The following FUT8 variants were observed in gnomAD, a reference collection of about 807,000 sequenced individuals.
FUT8 encodes alpha-(1,6)-fucosyltransferase.
Under a neutral mutation model 71.3 loss-of-function variants are expected in FUT8, and 29 were observed. The observed-to-expected ratio is 0.41, with a 90% confidence interval of 0.30 to 0.55. The LOEUF (loss-of-function observed/expected upper bound fraction) is 0.55. Ranked by LOEUF, FUT8 falls within the 20% of genes least tolerant of loss-of-function variation. The pLI, the probability that FUT8 is intolerant of heterozygous loss-of-function variation, is 0.34. For synonymous variants in FUT8, 254 were observed against 239.3 expected (o/e 1.06, Z -0.57); for missense variants, 544 against 702.1 (o/e 0.77, Z 2.55).
In FUT8 at chr14:65,683,372, G is replaced by T. The variant is rs1192261185; in HGVS notation, c.835+13892G>T. ...TTATAATGCATTTGCATTAATTTGG[G>T]AGAAAAAATGAAACCATGCTTTTGA... On this transcript the variant is annotated intron_variant, in intron 7 of 10. Coordinates refer to ENST00000673929, the MANE Select transcript of FUT8 (RefSeq NM_001371533.1). 2.0e-5 allele frequency among the ~76,000 whole-genome samples: 3 copies of T among 152,076 alleles called. No individual in the cohort carries two copies. The East Asian group carries it at 5.8e-4, about 29-fold the overall frequency.
chr14:65,505,563 T>C (rs762448345), intron 2 of FUT8, among the ~76,000 whole-genome samples: 4 of 151,964 alleles, frequency 2.6e-5, no homozygotes, highest in East Asian at 1.9e-4. Flanking sequence ...CTGCCCGCCT[T>C]AGCCTCCCAA....
chr14:65,633,672 A>G (rs1405285956), intron 6 of FUT8, among the ~76,000 whole-genome samples: 1 of 147,958 alleles, frequency 6.8e-6, no homozygotes, highest in African/African-American at 2.5e-5. Flanking sequence ...CCCGGCCACG[A>G]CCCCGTCTGG....
At chr14:65,614,396 A>G (rs1238729796) in intron 3 of FUT8, among the ~76,000 whole-genome samples, 2 of 152,252 alleles carry the variant, frequency 1.3e-5, no homozygotes, top group Non-Finnish European at 2.9e-5. Flanking sequence ...AAAAGGATCA[A>G]TATATGTACG....
At chr14:65,615,399 A>G (rs181607201) in intron 3 of FUT8, among the ~76,000 whole-genome samples, 5 of 152,158 alleles carry the variant, frequency 3.3e-5, no homozygotes, top group Admixed American at 1.3e-4. Context: ...GAGTGGCTAC[A>G]CCTGGCCCAA....
rs530251984 is a variant in FUT8, at chr14:65,743,085, A to G, written c.*675A>G. 6.6e-6 allele frequency: 1 copy of G among 152,394 alleles called. No individual in the cohort carries two copies. The highest frequency in any genetic ancestry group is 2.1e-4 in the South Asian group (1 of 4,828). The allele number at this position is 152,394 out of a possible 1,614,324, so 9.4% of individuals were successfully genotyped here. Reference sequence around the variant, plus strand: ...AAACAATGCCATGAACAAATTCTTTAGTACTCAATGTTTCTGGACATTCTC... The same window carrying G: ...AAACAATGCCATGAACAAATTCTTTGGTACTCAATGTTTCTGGACATTCTC... On this transcript the variant is annotated 3_prime_UTR_variant, in exon 11 of 11. Coordinates refer to ENST00000673929, the MANE Select transcript of FUT8 (RefSeq NM_001371533.1).
chr14:65,711,967 CTG>C lies in FUT8; in HGVS notation c.836-9804_836-9803del, dbSNP rs71928818. Among the ~76,000 whole-genome samples, 880 of 152,234 alleles carry C rather than the reference CTG, an allele frequency of 5.8e-3. 28 individuals are homozygous for C. In the East Asian group the frequency reaches 0.092, roughly 16 times the overall value. ...TATATACAGGAAAACAATTTGAAGA[CTG>C]TGTTTTGTTCTGGTGAATACATTTT... On this transcript the variant is annotated intron_variant, in intron 7 of 10. Transcript: ENST00000673929.
At chr14:65,445,479 A>G (rs1174096388) in intron 1 of FUT8, among the ~76,000 whole-genome samples, 7 of 152,188 alleles carry the variant, frequency 4.6e-5, no homozygotes, top group African/African-American at 1.7e-4. Flanking sequence ...GTGTGTGACT[A>G]TGGAGAGACA....
intron 9 of FUT8, among the ~76,000 whole-genome samples, chr14:65,726,141 AT>A (rs1482920258): frequency 1.3e-5 from 2 of 152,256 alleles, no homozygotes; most frequent in East Asian, 1.9e-4. Context: ...CAATAAAAAA[AT>A]GTATAGTTTA....
intron 10 of FUT8, among the ~76,000 whole-genome samples, chr14:65,739,679 T>C (rs959764646): frequency 2.0e-5 from 3 of 152,050 alleles, no homozygotes; most frequent in Non-Finnish European, 2.9e-5. Context: ...CTGTCAGGTT[T>C]ACCCAAGACT....
In FUT8 at chr14:65,416,328, T is replaced by TC. The variant is rs575582988; in HGVS notation, c.-326+3119dup. ...CTATTATGGTACCTTTTTTTTTTTT[T>TC]CCCCCAAAGAGATGTGATCTTGCTG... is the stretch of plus-strand genomic sequence containing the variant. On this transcript the variant is annotated intron_variant, in intron 1 of 10. Transcript: ENST00000673929. 1.7e-4 allele frequency among the ~76,000 whole-genome samples: 25 copies of TC among 150,436 alleles called. No individual in the cohort carries two copies. In the South Asian group the frequency reaches 4.5e-3, roughly 27 times the overall value.
the FUT8 span, among the ~76,000 whole-genome samples, chr14:65,362,659 A>AT: frequency 1.3e-5 from 2 of 152,196 alleles, no homozygotes; most frequent in Non-Finnish European, 2.9e-5. Flanking sequence ...ATATCCTCTG[A>AT]TTAAGAAATT....
intron 5 of FUT8, among the ~76,000 whole-genome samples, chr14:65,620,071 A>G (rs1466748844): frequency 6.6e-6 from 1 of 152,134 alleles, no homozygotes; most frequent in Non-Finnish European, 1.5e-5. Context: ...GATTCTTTTT[A>G]TCATCTTCAT....
intron 6 of FUT8, among the ~76,000 whole-genome samples, chr14:65,649,021 C>T (rs946874888): frequency 6.6e-6 from 1 of 152,206 alleles, no homozygotes; most frequent in African/African-American, 2.4e-5. Flanking sequence ...TTCTTATTTT[C>T]TCTCAACTAT....
chr14:65,357,456 TC>T, the FUT8 span, among the ~76,000 whole-genome samples: 1 of 152,218 alleles, frequency 6.6e-6, no homozygotes, highest in Non-Finnish European at 1.5e-5. Context: ...GCTAGAATAC[TC>T]GAACAGAGGC....
At chr14:65,517,706 C>T (rs1290604049) in intron 2 of FUT8, among the ~76,000 whole-genome samples, 2 of 152,154 alleles carry the variant, frequency 1.3e-5, no homozygotes, top group Admixed American at 6.6e-5. Flanking sequence ...TACCAAACTG[C>T]CACCTTAACT....
chr14:65,588,454 A>G (rs1887507954), intron 3 of FUT8, among the ~76,000 whole-genome samples: 1 of 152,154 alleles, frequency 6.6e-6, no homozygotes, highest in South Asian at 2.1e-4. Flanking sequence ...ATGTGCTGCA[A>G]TTTGTAATTT....
chr14:65,663,173 T>C (rs1892053893), intron 6 of FUT8, among the ~76,000 whole-genome samples: 1 of 152,134 alleles, frequency 6.6e-6, no homozygotes, highest in South Asian at 2.1e-4. Flanking sequence ...CAGTGGTAAC[T>C]GACAAGAGCT....
At chr14:65,662,276 C>G (rs1892003513) in intron 6 of FUT8, among the ~76,000 whole-genome samples, 1 of 152,006 alleles carries the variant, frequency 6.6e-6, no homozygotes, top group African/African-American at 2.4e-5. Context: ...AGCTGGGCTA[C>G]TTGGGGGGAT....
chr14:65,547,680 T>C (rs1235378698), intron 2 of FUT8, among the ~76,000 whole-genome samples: 1 of 151,864 alleles, frequency 6.6e-6, no homozygotes, highest in Non-Finnish European at 1.5e-5. Context: ...TTCCATTTTT[T>C]TGTTTTCCAA....
Sources: gnomAD v4.1 joint callset for allele counts (sites outside exome capture counted in the v4.1 genomes callset) on GRCh38, gnomAD v4.1.1 for gene constraint, MANE v1.5 for transcripts, NCBI Gene and HGNC (gene_info 2026-07-23, HGNC 2026-07-21) for gene names.